Variants in SYNC observed in about 807,000 individuals in gnomAD.
SYNC encodes the protein syncoilin.
A neutral mutation model predicts 49.5 loss-of-function variants in SYNC; 38 were observed. The ratio of observed to expected loss-of-function variants is 0.77; its 90% CI spans 0.59 to 1.01. SYNC has a LOEUF of 1.01. Among genes scored for constraint, SYNC ranks in the 50% least tolerant of loss-of-function variants. The pLI, the probability that SYNC is intolerant of heterozygous loss-of-function variation, is 0.00. For synonymous variants in SYNC, 201 were observed against 230.8 expected, an observed-to-expected ratio of 0.87 and a Z score of 1.17; for missense variants, 579 against 580.6, an observed-to-expected ratio of 1.00 and a Z score of 0.03.
intron 1 of SYNC, among the ~76,000 whole-genome samples, chr1:32,701,357 T>G (rs1650662534): frequency 6.6e-6 from 1 of 152,186 alleles, no homozygotes; most frequent in South Asian, 2.1e-4. Context: ...TCACACTTAT[T>G]GCTCCAGTTA....
At position 32,681,530 on chromosome 1, in the gene SYNC, A is replaced by G; in HGVS notation, c.*320T>C. 1 of 411,824 alleles carries G rather than the reference A, an allele frequency of 2.4e-6. No homozygotes were observed. Among genetic ancestry groups the G allele is most frequent in the East Asian group, 4.1e-5 (1 of 24,682 alleles). 25.5% of individuals were successfully genotyped at this position (411,824 alleles called of 1,614,324 possible). Reference sequence around the variant, plus strand: ...TTAAAATACTCCCAGATGTGTCCATACATTCATCCTTCACTCAGTGCATAT... The same window carrying G: ...TTAAAATACTCCCAGATGTGTCCATGCATTCATCCTTCACTCAGTGCATAT... On this transcript the variant is annotated 3_prime_UTR_variant, in exon 5 of 5. Coordinates refer to ENST00000409190, the MANE Select transcript of SYNC (RefSeq NM_030786.3).
Position 32,694,833 on chromosome 1 carries a change from ACCT to A in SYNC, c.1233+29_1233+31del. 3 of 1,518,980 alleles carry A rather than the reference ACCT, an allele frequency of 2.0e-6. No individual in the cohort carries two copies. The South Asian group carries it at 4.0e-5, about 20-fold the overall frequency. 94.1% of individuals were successfully genotyped at this position (1,518,980 alleles called of 1,614,324 possible). A position where few individuals can be genotyped will look rare whatever the true frequency, so the allele number is the denominator to read the frequency against. On this transcript the variant is annotated intron_variant, in intron 2 of 4. Transcript: ENST00000409190. ...GGCCACTCTTTCCCCAGGTTAAAAG[ACCT>A]CAGTTCTTTTCATGCCCAATGGGCC...
At chr1:32,686,498 T>G (rs1313060514) in intron 2 of SYNC, among the ~76,000 whole-genome samples, 1 of 152,226 alleles carries the variant, frequency 6.6e-6, no homozygotes, top group Non-Finnish European at 1.5e-5. Context: ...AAAGAAAGGA[T>G]ACATTCCCCA....
Position 32,702,488 on chromosome 1 carries a change from C to A in SYNC, c.53+120G>T. 9.9e-7 allele frequency: 1 copy of A among 1,011,520 alleles called. No homozygotes were observed. The highest frequency in any genetic ancestry group is 1.2e-6 in the Non-Finnish European group (1 of 805,730). The allele number at this position is 1,011,520 out of a possible 1,614,324, so 62.7% of individuals were successfully genotyped here. A position where few individuals can be genotyped will look rare whatever the true frequency, so the allele number is the denominator to read the frequency against. ...CTCACGAGGCGGCTCCAGTGCCCCA[C>A]CCCGGCTGGACCACTACCCCTAGAC... On this transcript the variant is annotated intron_variant, in intron 1 of 4. Coordinates refer to ENST00000409190, the MANE Select transcript of SYNC (RefSeq NM_030786.3). This position sits in a 1 kb window ranked among gnomAD's most constrained non-coding sequence, Gnocchi z 6.2.
chr1:32,687,674 A>AG (rs1472510180), intron 2 of SYNC, among the ~76,000 whole-genome samples: 1 of 150,276 alleles, frequency 6.7e-6, no homozygotes, highest in African/African-American at 2.4e-5. Context: ...CCGTCTCAAA[A>AG]AAAAAAAGAA....
At chr1:32,684,431 TCA>T (rs1291179744) in intron 2 of SYNC, 49 bp from the exon 3 acceptor site, 3 of 1,612,618 alleles carry the variant, frequency 1.9e-6, no homozygotes, top group African/African-American at 1.3e-5. Flanking sequence ...CAATAAAAAC[TCA>T]CATTGTCCAC....
chr1:32,694,814 T>A (rs1013605469), intron 2 of SYNC, 51 bp downstream of exon 2: 1 of 1,494,370 alleles, frequency 6.7e-7, no homozygotes, highest in Non-Finnish European at 9.0e-7. Flanking sequence ...CTCTGGCCAC[T>A]CTTTCCCCAG....
At chr1:32,693,073 T>G (rs1334421184) in intron 2 of SYNC, among the ~76,000 whole-genome samples, 1 of 139,702 alleles carries the variant, frequency 7.2e-6, no homozygotes, top group African/African-American at 2.5e-5. Flanking sequence ...AGTGTTTTTT[T>G]TTTGTTTGTT....
intron 1 of SYNC, among the ~76,000 whole-genome samples, chr1:32,700,090 A>G (rs1191168490): frequency 6.6e-6 from 1 of 152,066 alleles, no homozygotes; most frequent in Non-Finnish European, 1.5e-5. Flanking sequence ...CCAATGCTTG[A>G]CATCCTAGAG....
chr1:32,697,637 T>C (rs984561132), intron 1 of SYNC, among the ~76,000 whole-genome samples: 1 of 151,088 alleles, frequency 6.6e-6, no homozygotes, highest in African/African-American at 2.4e-5. Context: ...CTTGGGAGGC[T>C]GTGGTGGGAG....
At position 32,702,504 on chromosome 1, in the gene SYNC, A is replaced by G; in HGVS notation, c.53+104T>C. The G allele has an allele frequency of 9.2e-7, 1 of 1,092,814 alleles. No homozygotes were observed. Among genetic ancestry groups the G allele is most frequent in the Non-Finnish European group, 1.1e-6 (1 of 878,246 alleles). 67.7% of individuals were successfully genotyped at this position (1,092,814 alleles called of 1,614,324 possible). On this transcript the variant is annotated intron_variant, in intron 1 of 4. Transcript: ENST00000409190. The surrounding 1 kb of genome is among the most constrained non-coding windows in gnomAD (Gnocchi z 6.2). ...AGTGCCCCACCCCGGCTGGACCACT[A>G]CCCCTAGACAGGCGAAAGACGCCCG...
chr1:32,687,241 A>G (rs930763106), intron 2 of SYNC, among the ~76,000 whole-genome samples: 1 of 151,792 alleles, frequency 6.6e-6, no homozygotes, highest in African/African-American at 2.4e-5. Flanking sequence ...GGTGCCTGTA[A>G]TCTCAGCTAC....
intron 4 of SYNC, 62 bp downstream of exon 4, chr1:32,683,944 CATTA>C (rs1272258713): frequency 1.3e-6 from 2 of 1,523,718 alleles, no homozygotes; most frequent in Non-Finnish European, 1.8e-6. Flanking sequence ...GTTTTTAAGG[CATTA>C]ATTAGTATTG....
In SYNC at chr1:32,702,640, C is replaced by CCGGGGCTCCGGGCTGGCCATGGCTG. The variant is rs1650712856; in HGVS notation, c.-5_20dup (p.Arg8SerfsTer38). ...CCTGGGCGGCGCCGTCCCCGCCGCG[C>CCGGGGCTCCGGGCTGGCCATGGCTG]CGGGGCTCCGGGCTGGCCATGGCTG... On this transcript the variant is annotated frameshift_variant, in exon 1 of 5. Coordinates refer to ENST00000409190, the MANE Select transcript of SYNC (RefSeq NM_030786.3). LOFTEE classifies it high-confidence loss of function. The surrounding 1 kb of genome is among the most constrained non-coding windows in gnomAD (Gnocchi z 6.2). The CCGGGGCTCCGGGCTGGCCATGGCTG allele has an allele frequency of 8.3e-7, 1 of 1,211,362 alleles. No homozygotes were observed. Among genetic ancestry groups the CCGGGGCTCCGGGCTGGCCATGGCTG allele is most frequent in the Non-Finnish European group, 1.0e-6 (1 of 975,064 alleles). The allele number at this position is 1,211,362 out of a possible 1,614,324, so 75.0% of individuals were successfully genotyped here. A position where few individuals can be genotyped will look rare whatever the true frequency, so the allele number is the denominator to read the frequency against.
At chr1:32,691,289 G>A (rs1221591770) in intron 2 of SYNC, among the ~76,000 whole-genome samples, 1 of 151,106 alleles carries the variant, frequency 6.6e-6, no homozygotes, top group Non-Finnish European at 1.5e-5. Flanking sequence ...CAGCTACTCG[G>A]GAGGCTGAGG....
intron 2 of SYNC, chr1:32,685,283 T>G (rs933271972): frequency 2.6e-4 from 39 of 152,276 alleles, no homozygotes; most frequent in African/African-American, 9.1e-4. Flanking sequence ...TGGGATGCAT[T>G]CTGTAAATTT....
In SYNC at chr1:32,699,153, C is replaced by CTTTTTT. The variant is rs61577689; in HGVS notation, c.54-3115_54-3110dup. On this transcript the variant is annotated intron_variant, in intron 1 of 4. Coordinates refer to ENST00000409190, the MANE Select transcript of SYNC (RefSeq NM_030786.3). The stretch of plus-strand genomic sequence containing the variant: ...TTCACTGAGAAGTGACTTTTCTTTT[C>CTTTTTT]TTTTTTTTTTTTTTTTTTGAGATGG... Among the ~76,000 whole-genome samples, 50 of 104,020 alleles carry CTTTTTT rather than the reference C, an allele frequency of 4.8e-4. 5 individuals are homozygous for CTTTTTT. The highest frequency in any genetic ancestry group is 2.4e-3 in the East Asian group (8 of 3,388). 68.2% of individuals were successfully genotyped at this position (104,020 alleles called of 152,430 possible).
At chr1:32,687,589 T>A (rs1206892107) in intron 2 of SYNC, among the ~76,000 whole-genome samples, 1 of 151,240 alleles carries the variant, frequency 6.6e-6, no homozygotes, top group Non-Finnish European at 1.5e-5. Context: ...GAGAATTGAC[T>A]TGAACCCGGG....
chr1:32,691,970 A>T (rs910265765), intron 2 of SYNC, among the ~76,000 whole-genome samples: 2 of 152,134 alleles, frequency 1.3e-5, no homozygotes, highest in Non-Finnish European at 2.9e-5. Context: ...GCAGTGGCTC[A>T]TGCCTGTAAT....
Sources: allele counts gnomAD v4.1 joint callset (sites outside exome capture counted in the v4.1 genomes callset), GRCh38; gene constraint gnomAD v4.1.1; non-coding constraint Gnocchi (gnomAD v3.1); transcripts MANE v1.5; gene names NCBI Gene and HGNC (gene_info 2026-07-23, HGNC 2026-07-21).